Variants in GULP1 observed in about 807,000 individuals in gnomAD.
GULP1 encodes the protein GULP PTB domain containing engulfment adaptor 1.
GULP1 carries 19 observed loss-of-function variants against 40.9 expected under a neutral mutation model. The observed-to-expected ratio is 0.46, with a 90% CI of 0.32 to 0.68. The LOEUF (loss-of-function observed/expected upper bound fraction) is 0.68. GULP1 is among the 30% of genes least tolerant of loss of function. The probability of loss-of-function intolerance (pLI) is 0.03; values close to 1 mark genes in which losing one functional copy is unlikely to be tolerated. For synonymous variants in GULP1, 119 were observed against 117.6 expected, an observed-to-expected ratio of 1.01 and a Z score of -0.08; for missense variants, 312 against 362.2, an observed-to-expected ratio of 0.86 and a Z score of 1.12.
At chr2:188,404,757 GC>G (rs113961116) in intron 2 of GULP1, among the ~76,000 whole-genome samples, 43 of 152,250 alleles carry the variant, frequency 2.8e-4, no homozygotes, top group African/African-American at 9.9e-4. Flanking sequence ...GACCAGGCCA[GC>G]CCCCGAGTCT....
chr2:188,513,926 G>A (rs2064883721), intron 4 of GULP1, among the ~76,000 whole-genome samples: 2 of 151,984 alleles, frequency 1.3e-5, no homozygotes, highest in African/African-American at 4.8e-5. Context: ...TGTCTGTGTG[G>A]GGTTTTCAGG....
At chr2:188,573,245 A>G (rs1188246618) in intron 9 of GULP1, among the ~76,000 whole-genome samples, 1 of 149,282 alleles carries the variant, frequency 6.7e-6, no homozygotes, top group Non-Finnish European at 1.5e-5. Flanking sequence ...TAATGTAGCT[A>G]TGAAATAAAC....
intron 7 of GULP1, among the ~76,000 whole-genome samples, chr2:188,551,982 G>A (rs911567903): frequency 4.0e-5 from 6 of 151,346 alleles, no homozygotes; most frequent in Non-Finnish European, 5.9e-5. Flanking sequence ...TCCGGGAAAT[G>A]TCTATTCATG....
chr2:188,402,265 G>A (rs2052405720), intron 2 of GULP1, among the ~76,000 whole-genome samples: 1 of 152,036 alleles, frequency 6.6e-6, no homozygotes, highest in African/African-American at 2.4e-5. Context: ...GTTTTGTTTT[G>A]TTCTTCACGT....
rs879554036 is a variant in GULP1 at position 188,429,900 on chromosome 2, G to A, written c.-45+46011G>A. Among the ~76,000 whole-genome samples, 4 of 151,836 alleles carry A rather than the reference G, an allele frequency of 2.6e-5. No homozygotes were observed. The East Asian group carries it at 5.8e-4, about 22-fold the overall frequency. On this transcript the variant is annotated intron_variant, in intron 2 of 11. Transcript: ENST00000409830. The stretch of plus-strand genomic sequence containing the variant: ...TAATTTTTGTATTTTTAGTAGAGAC[G>A]GGGTTTCACCGTGTTAGCCAAGATG...
At chr2:188,374,481 T>A (rs1352006340) in intron 1 of GULP1, among the ~76,000 whole-genome samples, 1 of 152,142 alleles carries the variant, frequency 6.6e-6, no homozygotes, top group Admixed American at 6.6e-5. Context: ...TTCTCTCTCA[T>A]AGCTTTGTTA....
intron 2 of GULP1, among the ~76,000 whole-genome samples, chr2:188,437,813 A>C (rs1318954130): frequency 1.3e-5 from 2 of 152,264 alleles, no homozygotes; most frequent in Non-Finnish European, 2.9e-5. Flanking sequence ...TTAGCAAGCT[A>C]ACTTAGGAAC....
intron 2 of GULP1, among the ~76,000 whole-genome samples, chr2:188,468,476 T>A (rs2060310970): frequency 6.6e-6 from 1 of 152,190 alleles, no homozygotes; most frequent in Non-Finnish European, 1.5e-5. Flanking sequence ...CTCATTTGAT[T>A]TGTAATTCAA....
At chr2:188,460,427 T>TG (rs1205213552) in intron 2 of GULP1, among the ~76,000 whole-genome samples, 2 of 151,724 alleles carry the variant, frequency 1.3e-5, no homozygotes, top group Admixed American at 6.6e-5. Flanking sequence ...GGAATTCTTT[T>TG]TTTTTTTTTA....
chr2:188,477,799 A>G, intron 3 of GULP1, 69 bp downstream of exon 3: 1 of 1,195,346 alleles, frequency 8.4e-7, no homozygotes, highest in Non-Finnish European at 1.2e-6. Context: ...CAGCGATGTT[A>G]AGAAATCAGT....
At chr2:188,507,430 G>C (rs1462534527) in intron 4 of GULP1, among the ~76,000 whole-genome samples, 1 of 137,612 alleles carries the variant, frequency 7.3e-6, no homozygotes, top group African/African-American at 2.7e-5. Flanking sequence ...GTGGCAAGCA[G>C]TATCCATAAT....
intron 1 of GULP1, among the ~76,000 whole-genome samples, chr2:188,331,452 T>G (rs1183835304): frequency 6.6e-6 from 1 of 152,226 alleles, no homozygotes; most frequent in African/African-American, 2.4e-5. Context: ...GGTTAGTGGC[T>G]CTAAATTTAC....
chr2:188,488,790 T>G (rs2062084215), intron 4 of GULP1, among the ~76,000 whole-genome samples: 1 of 152,018 alleles, frequency 6.6e-6, no homozygotes, highest in Admixed American at 6.6e-5. Context: ...TCCTATTACC[T>G]TGAAGTAATA....
At chr2:188,511,865 T>C (rs1378986053) in intron 4 of GULP1, among the ~76,000 whole-genome samples, 1 of 152,194 alleles carries the variant, frequency 6.6e-6, no homozygotes, top group African/African-American at 2.4e-5. Flanking sequence ...CCTTGTCCTT[T>C]AAAGGGATAA....
intron 1 of GULP1, among the ~76,000 whole-genome samples, chr2:188,315,904 T>A (rs568589603): frequency 5.4e-4 from 82 of 152,196 alleles, no homozygotes; most frequent in African/African-American, 2.0e-3. Flanking sequence ...TGAGGGTAAT[T>A]GAGCCACAGA....
intron 9 of GULP1, among the ~76,000 whole-genome samples, chr2:188,571,698 G>A (rs541178445): frequency 2.6e-5 from 4 of 152,164 alleles, no homozygotes; most frequent in Admixed American, 6.5e-5. Flanking sequence ...ATCCCAAGAT[G>A]GAACACACAT....
chr2:188,438,052 C>T (rs183902562), intron 2 of GULP1, among the ~76,000 whole-genome samples: 3 of 152,014 alleles, frequency 2.0e-5, no homozygotes, highest in East Asian at 1.9e-4. Context: ...CAAACCCACA[C>T]GTGCACCCTG....
At chr2:188,294,196 A>G (rs1258444782) in intron 1 of GULP1, 1 of 152,198 alleles carries the variant, frequency 6.6e-6, no homozygotes, top group Non-Finnish European at 1.5e-5. Context: ...CTTTGTTTTC[A>G]TAGCAGCAAG....
chr2:188,582,900 A>G (rs1284076461), intron 9 of GULP1, among the ~76,000 whole-genome samples: 1 of 152,210 alleles, frequency 6.6e-6, no homozygotes, highest in African/African-American at 2.4e-5. Context: ...TAAAGATAGA[A>G]TGAAGTAAAT....
Sources: gnomAD v4.1 joint callset for allele counts (sites outside exome capture counted in the v4.1 genomes callset) on GRCh38, gnomAD v4.1.1 for gene constraint, MANE v1.5 for transcripts, NCBI Gene and HGNC (gene_info 2026-07-23, HGNC 2026-07-21) for gene names.